KDM4C: variants seen among roughly 807,000 people sequenced by gnomAD.
KDM4C encodes lysine demethylase 4C.
A neutral mutation model predicts 129.3 loss-of-function variants in KDM4C; 81 were observed. That is an observed-to-expected ratio of 0.63 (90% CI 0.52 to 0.75). The LOEUF is 0.75. KDM4C is among the 30% of genes least tolerant of loss of function. The pLI is 0.00. For synonymous variants in KDM4C, 573 were observed against 456.1 expected (o/e 1.26, Z -3.26); for missense variants, 1,457 against 1,304.0 (o/e 1.12, Z -1.81).
intron 5 of KDM4C, among the ~76,000 whole-genome samples, chr9:6,879,801 A>G (rs1484816430): frequency 3.3e-5 from 5 of 152,136 alleles, no homozygotes; most frequent in Admixed American, 1.3e-4. Context: ...GAGTTGTGAC[A>G]TTGAAATTGG....
chr9:6,983,573 G>GACACAC (rs56086219), intron 9 of KDM4C, among the ~76,000 whole-genome samples: 3,177 of 142,672 alleles, frequency 0.022, 76 homozygotes, highest in African/African-American at 0.045. Context: ...GTGTCTTTAT[G>GACACAC]ACACACACAC....
chr9:6,872,712 A>G (rs1439445218), intron 5 of KDM4C, among the ~76,000 whole-genome samples: 1 of 151,918 alleles, frequency 6.6e-6, no homozygotes, highest in Non-Finnish European at 1.5e-5. Flanking sequence ...TTTGCTTTCC[A>G]TTTGCTTGGT....
At chr9:6,884,827 A>G (rs943246541) in intron 6 of KDM4C, among the ~76,000 whole-genome samples, 4 of 152,232 alleles carry the variant, frequency 2.6e-5, no homozygotes, top group Admixed American at 6.5e-5. Flanking sequence ...TTGAATCATA[A>G]AAGATTGGGA....
chr9:6,841,352 G>A (rs1234729545), intron 4 of KDM4C, among the ~76,000 whole-genome samples: 1 of 152,152 alleles, frequency 6.6e-6, no homozygotes, highest in African/African-American at 2.4e-5. Context: ...GAAATGGGAA[G>A]GATGTTGTTG....
intron 5 of KDM4C, among the ~76,000 whole-genome samples, chr9:6,851,435 G>C (rs1251706793): frequency 6.6e-6 from 1 of 152,184 alleles, no homozygotes; most frequent in Admixed American, 6.5e-5. Flanking sequence ...TTCAACAATG[G>C]TTAGGCTCCT....
rs565263952 is a variant in KDM4C, at chr9:6,732,099, G to A, written c.49+11102G>A. 6.6e-3 allele frequency among the ~76,000 whole-genome samples: 1,003 copies of A among 152,114 alleles called. 10 individuals are homozygous for A. The highest frequency in any genetic ancestry group is 0.014 in the South Asian group (68 of 4,812). ...GAATGAGGCTGGGGCTGGGTGTGGT[G>A]GCTCACATCTGTAATCCCAGCACTT... On this transcript the variant is annotated intron_variant, in intron 1 of 17. Coordinates refer to the KDM4C transcript ENST00000536108.
chr9:6,764,382 T>C (rs1820201086), intron 1 of KDM4C, among the ~76,000 whole-genome samples: 1 of 152,220 alleles, frequency 6.6e-6, no homozygotes, highest in South Asian at 2.1e-4. Context: ...TTTATATGTT[T>C]CATAGTACAA....
Position 7,042,633 on chromosome 9 carries a change from G to A in KDM4C, c.2260-4229G>A, listed in dbSNP as rs150333151. On this transcript the variant is annotated intron_variant, in intron 15 of 21. Coordinates refer to ENST00000381309, the MANE Select transcript of KDM4C (RefSeq NM_015061.6). ...TAATGCCTCTACCAGTATCATCTTC[G>A]TGGTTTGTTTAAGTACATACAGGAA... 1.8e-3 allele frequency among the ~76,000 whole-genome samples: 276 copies of A among 152,096 alleles called. 2 individuals carry two copies. The highest frequency in any genetic ancestry group is 6.4e-3 in the African/African-American group (264 of 41,508).
At chr9:6,821,575 T>A (rs992878230) in intron 4 of KDM4C, among the ~76,000 whole-genome samples, 1 of 152,192 alleles carries the variant, frequency 6.6e-6, no homozygotes, top group Non-Finnish European at 1.5e-5. Flanking sequence ...GTTGTTTGTT[T>A]TTTCCTTGTA....
intron 17 of KDM4C, among the ~76,000 whole-genome samples, chr9:7,063,690 G>C (rs1832026859): frequency 6.6e-6 from 1 of 152,192 alleles, no homozygotes; most frequent in Non-Finnish European, 1.5e-5. Flanking sequence ...ATGTAGTGAA[G>C]GACCTTACTA....
At chr9:6,991,839 CAG>C (rs1818805980) in intron 12 of KDM4C, among the ~76,000 whole-genome samples, 1 of 150,658 alleles carries the variant, frequency 6.6e-6, no homozygotes, top group African/African-American at 2.4e-5. Flanking sequence ...AGTTTAAGAC[CAG>C]CCTGGGCAAC....
At position 7,013,845 on chromosome 9, in the gene KDM4C, G is replaced by A. The variant is rs761384426; in HGVS notation, c.2026G>A (p.Val676Ile). ...ARWETKLDEV[V>I]TSEGKTKPLI... ...ATGGGAGACAAAATTAGATGAAGTC[G>A]TTACATCGGAGGGAAAGACTAAGCC... The change falls in exon 14 of 22, where the codon GTT becomes ATT. Residue 676 changes from valine to isoleucine, a missense_variant. Coordinates refer to ENST00000381309, the MANE Select transcript of KDM4C (RefSeq NM_015061.6). 2.0e-5 allele frequency: 33 copies of A among 1,613,858 alleles called. No individual in the cohort carries two copies. In the East Asian group the frequency reaches 4.5e-4, roughly 22 times the overall value.
At chr9:7,091,529 A>C (rs1229897134) in intron 17 of KDM4C, among the ~76,000 whole-genome samples, 1 of 152,202 alleles carries the variant, frequency 6.6e-6, no homozygotes, top group African/African-American at 2.4e-5. Flanking sequence ...CTAGTTTCTT[A>C]TCTTTTGTTG....
chr9:6,729,165 C>G (rs1353771133), intron 1 of KDM4C, among the ~76,000 whole-genome samples: 2 of 71,644 alleles, frequency 2.8e-5, no homozygotes, highest in East Asian at 5.3e-4. Context: ...GATCACGCCA[C>G]TGCACTCCAG....
chr9:6,845,580 G>A (rs1368743176), intron 4 of KDM4C, among the ~76,000 whole-genome samples: 2 of 152,138 alleles, frequency 1.3e-5, no homozygotes, highest in African/African-American at 4.8e-5. Context: ...GATTGAAAGG[G>A]AATATCCCTA....
intron 15 of KDM4C, 75 bp from the exon 16 acceptor site, chr9:7,046,787 A>G (rs2132528428): frequency 1.0e-6 from 1 of 975,954 alleles, no homozygotes; most frequent in South Asian, 1.3e-5. Flanking sequence ...AGGATCTCTG[A>G]GAATATTTAG....
intron 19 of KDM4C, among the ~76,000 whole-genome samples, chr9:7,161,448 A>G (rs775704589): frequency 6.6e-6 from 1 of 151,964 alleles, no homozygotes; most frequent in Non-Finnish European, 1.5e-5. Context: ...AGCTGTTCCT[A>G]TTTGGCCATC....
intron 8 of KDM4C, chr9:6,941,961 A>G (rs901577229): frequency 1.3e-5 from 2 of 152,184 alleles, no homozygotes; most frequent in African/African-American, 4.8e-5. Flanking sequence ...TTTGAGTATC[A>G]CAAGATTTCA....
intron 11 of KDM4C, among the ~76,000 whole-genome samples, chr9:6,987,714 A>T (rs532704092): frequency 9.2e-5 from 14 of 152,334 alleles, no homozygotes; most frequent in African/African-American, 3.4e-4. Flanking sequence ...GATTTGACCC[A>T]ATAGTGTTTA....
Sources: gnomAD v4.1 joint callset for allele counts (sites outside exome capture counted in the v4.1 genomes callset) on GRCh38, gnomAD v4.1.1 for gene constraint, MANE v1.5 for transcripts, NCBI Gene and HGNC (gene_info 2026-07-23, HGNC 2026-07-21) for gene names.